The following VPS13B variants were observed in gnomAD, a reference collection of about 807,000 sequenced individuals.
VPS13B encodes vacuolar protein sorting 13 homolog B.
In VPS13B, 285 loss-of-function variants were observed where a neutral mutation model predicts 426.4. That is an observed-to-expected ratio of 0.67 (90% CI 0.61 to 0.74). The LOEUF (loss-of-function observed/expected upper bound fraction) is 0.74, where lower values mean the gene tolerates loss of function less well. Ranked by LOEUF, VPS13B falls within the 30% of genes least tolerant of loss-of-function variation. The pLI is 0.00. For missense variants in VPS13B, 4,537 were observed against 4,782.6 expected (o/e 0.95, Z 1.51); for synonymous variants, 1,676 against 1,676.4 (o/e 1.00, Z 0.01).
At chr8:99,855,301 G>A (rs1411253930) in intron 56 of VPS13B, among the ~76,000 whole-genome samples, 2 of 152,130 alleles carry the variant, frequency 1.3e-5, no homozygotes, top group Non-Finnish European at 2.9e-5. Flanking sequence ...AGGATTGCTC[G>A]AGCCCAGGAC....
rs370167357 is a variant in VPS13B, at chr8:99,763,865, C to T, written c.7051-2909C>T. On this transcript the variant is annotated intron_variant, in intron 39 of 61. Transcript: ENST00000357162. ...CTATTTCATCACATTTACCCTCTTC[C>T]GCATATCCATTCTCCCCTCGTCCTT... Among the ~76,000 whole-genome samples, 6 of 152,284 alleles carry T rather than the reference C, an allele frequency of 3.9e-5. No homozygotes were observed. The South Asian group carries it at 6.2e-4, about 16-fold the overall frequency.
intron 54 of VPS13B, among the ~76,000 whole-genome samples, chr8:99,847,205 A>G (rs965788379): frequency 3.2e-4 from 49 of 152,228 alleles, no homozygotes; most frequent in African/African-American, 1.1e-3. Flanking sequence ...TTTGAAAAAG[A>G]TATTTTTGCA....
intron 2 of VPS13B, among the ~76,000 whole-genome samples, chr8:99,029,860 G>A (rs1842422856): frequency 6.6e-6 from 1 of 152,084 alleles, no homozygotes; most frequent in Admixed American, 6.5e-5. Flanking sequence ...TTTATGGAGA[G>A]TCCCTGGTAT....
intron 30 of VPS13B, among the ~76,000 whole-genome samples, chr8:99,529,750 T>G (rs16897435): frequency 0.17 from 26,551 of 152,200 alleles, 2,843 homozygotes; most frequent in East Asian, 0.39. Context: ...AATTAAAATA[T>G]CACAGGTGTT....
At chr8:99,856,567 G>A (rs868428536) in intron 56 of VPS13B, among the ~76,000 whole-genome samples, 15 of 152,350 alleles carry the variant, frequency 9.8e-5, no homozygotes, top group East Asian at 5.8e-4. Context: ...CAGGCCGGGC[G>A]CAGTGGCTCA....
chr8:99,191,241 G>C (rs1029720114), intron 16 of VPS13B, among the ~76,000 whole-genome samples: 1 of 151,232 alleles, frequency 6.6e-6, no homozygotes, highest in African/African-American at 2.4e-5. Flanking sequence ...AATATGCCTT[G>C]GTATGTTTTT....
In VPS13B at chr8:99,820,193, T is replaced by C. The variant is rs1214565417; in HGVS notation, c.8994+71T>C. On this transcript the variant is annotated intron_variant, in intron 49 of 61. Transcript: ENST00000357162. ...GTAGATTTTATTGTAAAGTTGCGTT[T>C]ATGATCTTAACAGAATGAATCAGTT... The C allele has an allele frequency of 4.1e-6, 6 of 1,453,772 alleles. No homozygotes were observed. The South Asian group carries it at 6.9e-5, about 17-fold the overall frequency. The allele number at this position is 1,453,772 out of a possible 1,614,324, so 90.1% of individuals were successfully genotyped here. A position where few individuals can be genotyped will look rare whatever the true frequency, so the allele number is the denominator to read the frequency against.
At chr8:99,532,352 A>G (rs1210237708) in intron 30 of VPS13B, among the ~76,000 whole-genome samples, 1 of 152,176 alleles carries the variant, frequency 6.6e-6, no homozygotes, top group African/African-American at 2.4e-5. Context: ...CTCATAAAAC[A>G]TGTCTACAAG....
At chr8:99,064,310 G>A (rs1021892306) in intron 3 of VPS13B, among the ~76,000 whole-genome samples, 2 of 152,152 alleles carry the variant, frequency 1.3e-5, no homozygotes, top group Admixed American at 6.5e-5. Context: ...AAAATTCTCT[G>A]AGCTAAAGGA....
chr8:99,046,060 A>AT (rs922487952), intron 3 of VPS13B, among the ~76,000 whole-genome samples: 1 of 151,734 alleles, frequency 6.6e-6, no homozygotes, highest in African/African-American at 2.4e-5. Flanking sequence ...GAATTTTAGG[A>AT]TTTTTTTCTA....
At chr8:99,355,012 A>G (rs969521426) in intron 19 of VPS13B, among the ~76,000 whole-genome samples, 1 of 152,204 alleles carries the variant, frequency 6.6e-6, no homozygotes, top group Non-Finnish European at 1.5e-5. Flanking sequence ...GAAGAGTACT[A>G]TCTATAATTC....
At chr8:99,843,086 G>T (rs562939455) in intron 54 of VPS13B, among the ~76,000 whole-genome samples, 1 of 152,260 alleles carries the variant, frequency 6.6e-6, no homozygotes, top group Admixed American at 6.5e-5. Flanking sequence ...CCAGGGAGGC[G>T]GAGGTTGCAG....
chr8:99,044,299 G>T (rs1843106070), intron 3 of VPS13B, among the ~76,000 whole-genome samples: 1 of 151,290 alleles, frequency 6.6e-6, no homozygotes, highest in Admixed American at 6.6e-5. Context: ...TAGCCAGGAT[G>T]GTCTCTATCT....
intron 39 of VPS13B, among the ~76,000 whole-genome samples, chr8:99,753,547 C>G (rs1170666496): frequency 1.3e-5 from 2 of 152,120 alleles, no homozygotes; most frequent in Non-Finnish European, 2.9e-5. Flanking sequence ...CTCAGAAGTT[C>G]TGAGTATATT....
intron 3 of VPS13B, among the ~76,000 whole-genome samples, chr8:99,075,796 A>G (rs1395051629): frequency 6.6e-6 from 1 of 152,104 alleles, no homozygotes; most frequent in African/African-American, 2.4e-5. Context: ...TCTAGCTAAA[A>G]GTTTGTTGAT....
At chr8:99,765,120 C>T (rs1333049792) in intron 39 of VPS13B, among the ~76,000 whole-genome samples, 2 of 152,124 alleles carry the variant, frequency 1.3e-5, no homozygotes, top group Non-Finnish European at 2.9e-5. Flanking sequence ...ATGGTGCATG[C>T]CTGTAATCCC....
intron 33 of VPS13B, among the ~76,000 whole-genome samples, chr8:99,588,361 A>G (rs563316811): frequency 1.3e-4 from 20 of 151,880 alleles, no homozygotes; most frequent in Admixed American, 4.6e-4. Flanking sequence ...GAAGAAAGTC[A>G]TTGGTAGCTT....
In VPS13B at chr8:99,573,732, G is replaced by A. The variant is rs368169753; in HGVS notation, c.4950-1926G>A. ...GTAGTATAGTTTGAAGTCAGGTAGCGTGATGCCTCCAGCTTTGTTCTTTTT... is the reference window on the plus strand; with the variant it reads ...GTAGTATAGTTTGAAGTCAGGTAGCATGATGCCTCCAGCTTTGTTCTTTTT... On this transcript the variant is annotated intron_variant, in intron 31 of 61. Coordinates refer to ENST00000357162, the MANE Select transcript of VPS13B (RefSeq NM_152564.5). Among the ~76,000 whole-genome samples, 56 of 152,176 alleles carry A rather than the reference G, an allele frequency of 3.7e-4. 1 individual carries two copies. The highest frequency in any genetic ancestry group is 7.2e-4 in the Admixed American group (11 of 15,274).
intron 19 of VPS13B, among the ~76,000 whole-genome samples, chr8:99,343,456 A>T (rs1588273171): frequency 1.3e-5 from 2 of 152,096 alleles, no homozygotes; most frequent in African/African-American, 4.8e-5. Flanking sequence ...ATTACCCCTT[A>T]TCAGATATAT....
Sources: gnomAD v4.1 joint callset for allele counts (sites outside exome capture counted in the v4.1 genomes callset) on GRCh38, gnomAD v4.1.1 for gene constraint, MANE v1.5 for transcripts, NCBI Gene and HGNC (gene_info 2026-07-23, HGNC 2026-07-21) for gene names.